The following SEC14L1 variants were observed in gnomAD, a reference collection of about 807,000 sequenced individuals.
SEC14L1 encodes the protein SEC14 like lipid binding 1.
Under a neutral mutation model 85.3 loss-of-function variants are expected in SEC14L1, and 48 were observed. The ratio of observed to expected loss-of-function variants is 0.56; its 90% CI spans 0.45 to 0.72. SEC14L1 has a LOEUF of 0.72. Ranked by LOEUF, SEC14L1 falls within the 30% of genes least tolerant of loss-of-function variation. The pLI, the probability that SEC14L1 is intolerant of heterozygous loss-of-function variation, is 0.00. For synonymous variants in SEC14L1, 391 were observed against 355.5 expected, an observed-to-expected ratio of 1.10 and a Z score of -1.12; for missense variants, 682 against 921.4, an observed-to-expected ratio of 0.74 and a Z score of 3.36.
intron 3 of SEC14L1, among the ~76,000 whole-genome samples, chr17:77,187,376 C>G (rs1345763060): frequency 1.3e-5 from 2 of 151,954 alleles, no homozygotes; most frequent in African/African-American, 4.8e-5. Flanking sequence ...CTATGCCCCC[C>G]CCCCACACCC....
chr17:77,207,796 A>G (rs1377703929), intron 13 of SEC14L1, among the ~76,000 whole-genome samples: 4 of 152,198 alleles, frequency 2.6e-5, no homozygotes, highest in Non-Finnish European at 5.9e-5. Context: ...AGTGGTTCTC[A>G]ACATACGTTT....
intron 14 of SEC14L1, chr17:77,209,760 A>G (rs1976655542): frequency 3.4e-6 from 1 of 298,006 alleles, no homozygotes; most frequent in Non-Finnish European, 6.2e-6. Flanking sequence ...AGAGATAGGA[A>G]TAGCTAATCT....
At chr17:77,091,564 A>G (rs1256058897) in intron 2 of SEC14L1, among the ~76,000 whole-genome samples, 1 of 152,198 alleles carries the variant, frequency 6.6e-6, no homozygotes, top group African/African-American at 2.4e-5. Flanking sequence ...GCTGTTGAGC[A>G]TTTGGTGACT....
At chr17:77,155,709 A>G (rs754297966) in intron 3 of SEC14L1, among the ~76,000 whole-genome samples, 2 of 152,152 alleles carry the variant, frequency 1.3e-5, no homozygotes, top group African/African-American at 2.4e-5. Flanking sequence ...CAAATGATGA[A>G]GTGCCTGCAC....
At position 77,125,939 on chromosome 17, in the gene SEC14L1, G is replaced by A. The variant is rs562091773; in HGVS notation, c.-135-16707G>A. Among the ~76,000 whole-genome samples the A allele has an allele frequency of 2.6e-5, 4 of 152,336 alleles. No homozygotes were observed. In the East Asian group the frequency reaches 7.7e-4, roughly 29 times the overall value. ...GGCCCAGGCAGGCAAATCACCAGAG[G>A]TCAGGAGTTTGAGACCATCCTGGCC... On this transcript the variant is annotated intron_variant, in intron 3 of 19. Coordinates refer to the SEC14L1 transcript ENST00000392476.
At chr17:77,205,167 T>C in intron 10 of SEC14L1, 109 bp from the exon 11 acceptor site, 1 of 913,704 alleles carries the variant, frequency 1.1e-6, no homozygotes, top group Non-Finnish European at 1.7e-6. Context: ...ACTTTTTTGA[T>C]TTACATGCTT....
intron 10 of SEC14L1, 163 bp from the exon 11 acceptor site, chr17:77,205,113 A>G: frequency 1.7e-6 from 1 of 600,150 alleles, no homozygotes; most frequent in South Asian, 2.1e-5. Context: ...GTTGGTGGTG[A>G]TGTGTTTAGC....
In SEC14L1 at chr17:77,145,099, A is replaced by G. The variant is rs146783394; in HGVS notation, c.63+1440A>G. 7.4e-3 allele frequency: 840 copies of G among 114,242 alleles called. 4 individuals are homozygous for G. Among genetic ancestry groups the G allele is most frequent in the East Asian group, 0.052 (154 of 2,938 alleles). The allele number at this position is 114,242 out of a possible 1,614,324, so 7.1% of individuals were successfully genotyped here. ...AATTTGTGTGTGTGTGTGTGTATGT[A>G]TGTGTGTGTGTGTGTGTGTGTGTGT... On this transcript the variant is annotated intron_variant, in intron 3 of 16. Transcript: ENST00000436233.
At position 77,209,444 on chromosome 17, in the gene SEC14L1, T is replaced by C; in HGVS notation, c.1579T>C (p.Ser527Pro). The change falls in exon 14 of 17, where the codon TCT becomes CCT. Residue 527 changes from serine (S) to proline (P), a missense_variant. Ser to Pro is a moderately conservative substitution (Grantham distance 74). This residue lies in a region of SEC14L1 where 420 missense variants were observed against 619.5 expected (regional missense o/e 0.68). Coordinates refer to ENST00000436233, the MANE Select transcript of SEC14L1 (RefSeq NM_001143998.2). ...LKLWTETIYQSASVFKGAPHE... is the reference protein window; with the variant it reads ...LKLWTETIYQPASVFKGAPHE... ...GCTCTGGACTGAGACCATCTACCAGTCTGCAAGCGTCTTCAAAGGAGCCCC... is the reference window on the plus strand; with the variant it reads ...GCTCTGGACTGAGACCATCTACCAGCCTGCAAGCGTCTTCAAAGGAGCCCC... 5 of 1,614,176 alleles carry C rather than the reference T, an allele frequency of 3.1e-6. No individual in the cohort carries two copies. The highest frequency in any genetic ancestry group is 4.2e-6 in the Non-Finnish European group (5 of 1,180,024).
intron 8 of SEC14L1, among the ~76,000 whole-genome samples, chr17:77,200,130 C>T (rs1976052592): frequency 6.6e-6 from 1 of 152,216 alleles, no homozygotes; most frequent in African/African-American, 2.4e-5. Context: ...CATGCCACAA[C>T]ACTCCAGCCT....
intron 10 of SEC14L1, among the ~76,000 whole-genome samples, chr17:77,204,964 C>G (rs1191068065): frequency 1.3e-5 from 2 of 152,154 alleles, no homozygotes; most frequent in African/African-American, 2.4e-5. Context: ...ATCTCCTGTT[C>G]CCATGCACTT....
chr17:77,201,597 T>C (rs930114547), intron 9 of SEC14L1, among the ~76,000 whole-genome samples: 4 of 151,998 alleles, frequency 2.6e-5, no homozygotes, highest in Non-Finnish European at 1.5e-5. Context: ...ACTACAGGTG[T>C]GCACCACCAC....
Position 77,206,739 on chromosome 17 carries a change from C to T in SEC14L1, c.1353C>T (p.Phe451=). Residue 451 remains phenylalanine, a synonymous_variant, in exon 13 of 17, where the codon TTC becomes TTT. Transcript: ENST00000436233. This position sits in a 1 kb window ranked among gnomAD's most constrained non-coding sequence, Gnocchi z 4.3. ...FPVLWTLVSP[F]IDDNTRRKFL... ...TCTCCTCCTCACAGGTTAGTCCGTT[C>T]ATTGATGACAACACCAGAAGGAAGT... 1 of 1,608,634 alleles carries T rather than the reference C, an allele frequency of 6.2e-7. No homozygotes were observed. The highest frequency in any genetic ancestry group is 8.5e-7 in the Non-Finnish European group (1 of 1,178,216).
intron 3 of SEC14L1, among the ~76,000 whole-genome samples, chr17:77,098,080 C>G (rs1971689483): frequency 6.6e-6 from 1 of 152,168 alleles, no homozygotes; most frequent in Non-Finnish European, 1.5e-5. Context: ...CTCATGGGGC[C>G]TCACATGGAG....
chr17:77,105,457 A>C (rs950006325), intron 3 of SEC14L1, among the ~76,000 whole-genome samples: 1 of 146,868 alleles, frequency 6.8e-6, no homozygotes, highest in African/African-American at 2.5e-5. Context: ...GTAATATTAT[A>C]AATTGTGCTT....
chr17:77,099,983 T>G (rs1971729492), intron 3 of SEC14L1, among the ~76,000 whole-genome samples: 1 of 152,206 alleles, frequency 6.6e-6, no homozygotes, highest in African/African-American at 2.4e-5. Flanking sequence ...TTTCCCAAAG[T>G]AATACATGCA....
intron 11 of SEC14L1, among the ~76,000 whole-genome samples, chr17:77,205,924 A>C (rs1976441922): frequency 6.6e-6 from 1 of 152,142 alleles, no homozygotes; most frequent in Non-Finnish European, 1.5e-5. Context: ...GTGGTTTAGC[A>C]CGTCGAGGAC....
At chr17:77,124,214 AG>A (rs1272392293) in intron 3 of SEC14L1, among the ~76,000 whole-genome samples, 1 of 152,128 alleles carries the variant, frequency 6.6e-6, no homozygotes, top group East Asian at 1.9e-4. Flanking sequence ...AAATATGAAA[AG>A]TAGCCAGGCG....
rs972620754 is a variant in SEC14L1, at chr17:77,181,659, A to G, written c.64-9144A>G. ...CTCCTAACCTCGGGTGAGGTAGTCT[A>G]CCCACCTCAGCCTCCCAAAGTGCTG... On this transcript the variant is annotated intron_variant, in intron 3 of 16. Coordinates refer to ENST00000436233, the MANE Select transcript of SEC14L1 (RefSeq NM_001143998.2). Among the ~76,000 whole-genome samples, 7 of 152,064 alleles carry G rather than the reference A, an allele frequency of 4.6e-5. No homozygotes were observed. In the East Asian group the frequency reaches 9.7e-4, roughly 21 times the overall value.
Sources: gnomAD v4.1 joint callset for allele counts (sites outside exome capture counted in the v4.1 genomes callset) on GRCh38, gnomAD v4.1.1 for gene constraint, gnomAD v4.1.1 regional missense constraint, Gnocchi (gnomAD v3.1) non-coding constraint, MANE v1.5 for transcripts, NCBI Gene and HGNC (gene_info 2026-07-23, HGNC 2026-07-21) for gene names.